ZMYM4: variants seen among roughly 807,000 people sequenced by gnomAD.
ZMYM4 encodes the protein zinc finger MYM-type containing 4.
A neutral mutation model predicts 183.2 loss-of-function variants in ZMYM4; 31 were observed. That is an observed-to-expected ratio of 0.17 (90% confidence interval 0.13 to 0.23). The LOEUF (loss-of-function observed/expected upper bound fraction) is 0.23. Ranked by LOEUF, ZMYM4 falls within the 10% of genes least tolerant of loss-of-function variation. The pLI is 1.00. For missense variants in ZMYM4, 1,273 were observed against 1,840.3 expected (o/e 0.69, Z 5.64); for synonymous variants, 592 against 631.2 (o/e 0.94, Z 0.93).
At position 35,347,388 on chromosome 1, in the gene ZMYM4, A is replaced by G. The variant is rs765915647; in HGVS notation, c.86-11537A>G. On this transcript the variant is annotated intron_variant, in intron 2 of 29. Transcript: ENST00000314607. ...TCTAGTAGAAGTGGTTTATTCTGTT[A>G]ATGAACTTATGAGAGTAAAAAAATG... 2.2e-4 allele frequency among the ~76,000 whole-genome samples: 34 copies of G among 152,210 alleles called. 1 individual carries two copies. The highest frequency in any genetic ancestry group is 1.6e-3 in the Admixed American group (24 of 15,276).
At chr1:35,309,122 T>C in intron 1 of ZMYM4, 1 of 800,338 alleles carries the variant, frequency 1.2e-6, no homozygotes, top group Non-Finnish European at 1.5e-6. Flanking sequence ...GCCAACCTCA[T>C]TGAATCTGAG....
chr1:35,341,668 TTTC>T (rs1643205627), intron 2 of ZMYM4, among the ~76,000 whole-genome samples: 1 of 152,068 alleles, frequency 6.6e-6, no homozygotes, highest in African/African-American at 2.4e-5. Context: ...AACTATTTTA[TTTC>T]TTTTTTCCAG....
chr1:35,419,441 TTC>T (rs1640248212), intron 29 of ZMYM4, 27 bp from the exon 30 acceptor site: 3 of 1,602,966 alleles, frequency 1.9e-6, no homozygotes, highest in African/African-American at 1.3e-5. Context: ...ATTTTCTTTT[TTC>T]TCTTTTTTTT....
chr1:35,404,424 C>G (rs1644966454), intron 23 of ZMYM4, among the ~76,000 whole-genome samples: 1 of 152,096 alleles, frequency 6.6e-6, no homozygotes. Context: ...TAAAAATTTT[C>G]TTATTGAAAC....
chr1:35,417,115 T>C (rs1272765543), intron 28 of ZMYM4, among the ~76,000 whole-genome samples: 1 of 151,994 alleles, frequency 6.6e-6, no homozygotes, highest in Non-Finnish European at 1.5e-5. Context: ...CTCATGCTTG[T>C]AATCCCAATA....
intron 2 of ZMYM4, among the ~76,000 whole-genome samples, chr1:35,352,420 A>ACT (rs930561675): frequency 2.0e-5 from 3 of 151,898 alleles, no homozygotes; most frequent in Non-Finnish European, 4.4e-5. Flanking sequence ...ACACACACAC[A>ACT]CACAGCCAAA....
At chr1:35,388,195 GT>G (rs1031144232) in intron 13 of ZMYM4, among the ~76,000 whole-genome samples, 1 of 151,826 alleles carries the variant, frequency 6.6e-6, no homozygotes, top group African/African-American at 2.4e-5. Flanking sequence ...CTAAATAAAA[GT>G]TTTTTTTGTT....
chr1:35,380,708 G>A (rs1644438803), intron 7 of ZMYM4, among the ~76,000 whole-genome samples: 1 of 152,152 alleles, frequency 6.6e-6, no homozygotes, highest in African/African-American at 2.4e-5. Context: ...GATTAGGGTT[G>A]GAGTGGTAAG....
At chr1:35,278,503 G>A (rs1456720206) in intron 1 of ZMYM4, among the ~76,000 whole-genome samples, 1 of 148,758 alleles carries the variant, frequency 6.7e-6, no homozygotes, top group African/African-American at 2.5e-5. Flanking sequence ...TTGGCTCACT[G>A]CAACCTCTGC....
At chr1:35,336,958 T>C (rs1002505719) in intron 2 of ZMYM4, among the ~76,000 whole-genome samples, 28 of 152,218 alleles carry the variant, frequency 1.8e-4, no homozygotes, top group African/African-American at 6.3e-4. Flanking sequence ...TTTCATGTGC[T>C]CTTCGTGCTC....
intron 2 of ZMYM4, among the ~76,000 whole-genome samples, chr1:35,328,898 T>A (rs183217022): frequency 3.7e-4 from 57 of 152,262 alleles, no homozygotes; most frequent in African/African-American, 1.3e-3. Flanking sequence ...AAAGATTAAC[T>A]GTATCTCAGG....
At chr1:35,285,058 G>C (rs1441678357) in intron 1 of ZMYM4, among the ~76,000 whole-genome samples, 2 of 151,918 alleles carry the variant, frequency 1.3e-5, no homozygotes, top group African/African-American at 2.4e-5. Context: ...TCTTGTGTCA[G>C]TACTACACTG....
intron 2 of ZMYM4, among the ~76,000 whole-genome samples, chr1:35,328,001 A>G (rs1002062329): frequency 4.6e-5 from 7 of 152,144 alleles, no homozygotes; most frequent in African/African-American, 1.7e-4. Context: ...TTGAATACCT[A>G]TTTTGGATGA....
rs562633806 is a variant in ZMYM4, at chr1:35,308,402, A to G, written c.40-16958A>G. 7.9e-5 allele frequency among the ~76,000 whole-genome samples: 12 copies of G among 152,346 alleles called. No homozygotes were observed. The East Asian group carries it at 9.6e-4, about 12-fold the overall frequency. ...GTATATACAAACTGTCTCCCGTGCC[A>G]GGTGCTTGAGAAATAGGAGTTCATT... On this transcript the variant is annotated intron_variant, in intron 1 of 29. Transcript: ENST00000314607.
intron 1 of ZMYM4, among the ~76,000 whole-genome samples, chr1:35,270,767 G>A (rs6690634): frequency 0.13 from 19,944 of 151,802 alleles, 2,983 homozygotes; most frequent in East Asian, 0.69. Flanking sequence ...ACAGAGGGAG[G>A]CACTGTCTCA....
intron 8 of ZMYM4, 37 bp downstream of exon 8, chr1:35,381,470 A>G: frequency 6.2e-7 from 1 of 1,607,810 alleles, no homozygotes. Flanking sequence ...GCAGGAGTCT[A>G]ATACGTTTGT....
chr1:35,379,895 C>T (rs188607747), intron 7 of ZMYM4, among the ~76,000 whole-genome samples: 11 of 152,172 alleles, frequency 7.2e-5, no homozygotes, highest in East Asian at 1.9e-4. Context: ...CTTACATTGA[C>T]GTGGTTTGTG....
chr1:35,380,207 A>G (rs551731515), intron 7 of ZMYM4, among the ~76,000 whole-genome samples: 85 of 152,360 alleles, frequency 5.6e-4, no homozygotes, highest in Admixed American at 1.7e-3. Context: ...AAACATGAGT[A>G]TAAAGCAGTT....
At chr1:35,411,979 T>C (rs1345086988) in intron 26 of ZMYM4, among the ~76,000 whole-genome samples, 3 of 151,780 alleles carry the variant, frequency 2.0e-5, no homozygotes, top group Admixed American at 6.6e-5. Flanking sequence ...GCCTCCTGGG[T>C]TCAACGCCAT....
Sources: gnomAD v4.1 joint callset for allele counts (sites outside exome capture counted in the v4.1 genomes callset) on GRCh38, gnomAD v4.1.1 for gene constraint, MANE v1.5 for transcripts, NCBI Gene and HGNC (gene_info 2026-07-23, HGNC 2026-07-21) for gene names.